PPP1R12A: variants seen among roughly 807,000 people sequenced by gnomAD.
The protein encoded by PPP1R12A is protein phosphatase 1 regulatory subunit 12A.
Under a neutral mutation model 139.6 loss-of-function variants are expected in PPP1R12A, and 19 were observed. The observed-to-expected ratio is 0.14, with a 90% CI of 0.09 to 0.20. The LOEUF is 0.20. Ranked by LOEUF, PPP1R12A falls within the 10% of genes least tolerant of loss-of-function variation. The pLI is 1.00. For synonymous variants in PPP1R12A, 427 were observed against 420.6 expected (o/e 1.02, Z -0.19); for missense variants, 925 against 1,211.5 (o/e 0.76, Z 3.51).
At chr12:79,924,677 C>A (rs1348315798) in intron 1 of PPP1R12A, among the ~76,000 whole-genome samples, 1 of 152,220 alleles carries the variant, frequency 6.6e-6, no homozygotes, top group Non-Finnish European at 1.5e-5. Flanking sequence ...AATCCTCCCA[C>A]CTCGGCCTCC....
At position 79,774,115 on chromosome 12, in the gene PPP1R12A, C is replaced by G. The variant is rs1047194169; in HGVS notation, c.*1814G>C. ...CCAGAACATGTTGCAGTCACTCAAA[C>G]TGATCAGTTATCTGTATATTTTACC... On this transcript the variant is annotated 3_prime_UTR_variant, in exon 25 of 25. Transcript: ENST00000450142. 2.6e-5 allele frequency: 4 copies of G among 152,146 alleles called. No homozygotes were observed. Among genetic ancestry groups the G allele is most frequent in the African/African-American group, 9.7e-5 (4 of 41,440 alleles). The allele number at this position is 152,146 out of a possible 1,614,324, so 9.4% of individuals were successfully genotyped here. A position where few individuals can be genotyped will look rare whatever the true frequency, so the allele number is the denominator to read the frequency against.
intron 3 of PPP1R12A, among the ~76,000 whole-genome samples, chr12:79,839,524 C>A (rs1172692963): frequency 6.6e-6 from 1 of 152,138 alleles, no homozygotes; most frequent in Non-Finnish European, 1.5e-5. Context: ...GTAGTTCCCA[C>A]AATCCCCACA....
intron 22 of PPP1R12A, among the ~76,000 whole-genome samples, chr12:79,785,795 T>C (rs573346970): frequency 1.4e-4 from 22 of 152,176 alleles, no homozygotes; most frequent in Non-Finnish European, 2.4e-4. Context: ...TACCTATTCC[T>C]GTCTCCCAGA....
chr12:79,891,607 A>G (rs1884648258), intron 1 of PPP1R12A, among the ~76,000 whole-genome samples: 1 of 152,220 alleles, frequency 6.6e-6, no homozygotes, highest in South Asian at 2.1e-4. Context: ...ACCTCATGGT[A>G]GTCACACACT....
intron 1 of PPP1R12A, among the ~76,000 whole-genome samples, chr12:79,873,945 T>C (rs1332233463): frequency 1.3e-5 from 2 of 152,216 alleles, no homozygotes; most frequent in Non-Finnish European, 2.9e-5. Flanking sequence ...GGGAGATCTT[T>C]TCTTGCAAAT....
At chr12:79,927,048 C>G (rs762981599) in intron 1 of PPP1R12A, among the ~76,000 whole-genome samples, 19 of 151,048 alleles carry the variant, frequency 1.3e-4, no homozygotes, top group Non-Finnish European at 2.5e-4. Context: ...AAAAAATTAG[C>G]TGGAAGTGGT....
intron 1 of PPP1R12A, among the ~76,000 whole-genome samples, chr12:79,896,397 G>A (rs891690405): frequency 9.2e-5 from 14 of 152,088 alleles, no homozygotes; most frequent in Middle Eastern, 3.4e-3. Context: ...GCAGTGGCTC[G>A]AACATAGCTC....
chr12:79,856,739 T>C (rs369679970), intron 2 of PPP1R12A, among the ~76,000 whole-genome samples: 12 of 152,230 alleles, frequency 7.9e-5, no homozygotes, highest in African/African-American at 2.7e-4. Context: ...TTCCAAAGTA[T>C]TCAACTTTGT....
chr12:79,830,973 C>A (rs2137149731), intron 4 of PPP1R12A, among the ~76,000 whole-genome samples: 1 of 152,166 alleles, frequency 6.6e-6, no homozygotes, highest in Admixed American at 6.5e-5. Context: ...TCCTGATCCC[C>A]CCTAAGAACT....
At chr12:79,812,784 C>T (rs963337976) in intron 9 of PPP1R12A, among the ~76,000 whole-genome samples, 1 of 152,106 alleles carries the variant, frequency 6.6e-6, no homozygotes, top group Admixed American at 6.6e-5. Context: ...TTCTTCAGTT[C>T]CCTAATTCTG....
At chr12:79,778,042 T>C (rs1300022780) in intron 24 of PPP1R12A, among the ~76,000 whole-genome samples, 1 of 152,140 alleles carries the variant, frequency 6.6e-6, no homozygotes, top group Non-Finnish European at 1.5e-5. Context: ...ACTATGCTAC[T>C]TGTGAAGACA....
chr12:79,788,724 C>A lies in PPP1R12A; in HGVS notation c.2726G>T (p.Gly909Val), dbSNP rs907708209. Residue 909 changes from glycine (G) to valine (V), a missense_variant, in exon 21 of 25, where the codon GGA (glycine) becomes GTA (valine). Transcript: ENST00000450142. The stretch of plus-strand genomic sequence containing the variant: ...TCTTTCTTCTAAGTAACTGTATGAT[C>A]CAGAGCGACCCAGCAAGGAATCATA... ...DRYDSLLGRS[G>V]SYSYLEERKP... The A allele has an allele frequency of 9.3e-6, 15 of 1,612,980 alleles. No homozygotes were observed. The highest frequency in any genetic ancestry group is 1.3e-5 in the Non-Finnish European group (15 of 1,179,390).
At chr12:79,929,335 AC>A (rs1371251144) in intron 1 of PPP1R12A, among the ~76,000 whole-genome samples, 1 of 152,132 alleles carries the variant, frequency 6.6e-6, no homozygotes, top group Non-Finnish European at 1.5e-5. Flanking sequence ...GCGTTTGTGA[AC>A]CCCCGCTCTA....
chr12:79,857,892 G>A (rs1326607495), intron 2 of PPP1R12A, among the ~76,000 whole-genome samples: 2 of 152,044 alleles, frequency 1.3e-5, no homozygotes, highest in Non-Finnish European at 2.9e-5. Flanking sequence ...TGTGAAATAG[G>A]AATAACAGTG....
chr12:79,788,764 A>G lies in PPP1R12A; in HGVS notation c.2686T>C (p.Ser896Pro), dbSNP rs1474975216. The G allele has an allele frequency of 6.2e-7, 1 of 1,609,066 alleles. No individual in the cohort carries two copies. Among genetic ancestry groups the G allele is most frequent in the Non-Finnish European group, 8.5e-7 (1 of 1,177,472 alleles). The change falls in exon 21 of 25, where the codon TCA becomes CCA. Residue 896 changes from serine (S) to proline (P), a missense_variant. Ser to Pro is a moderately conservative substitution (Grantham distance 74). Transcript: ENST00000450142. The part of the protein sequence containing the change: ...SISRYETSST[S>P]AGDRYDSLLG... ...AAGGAATCATATCGATCACCAGCTGATGTAGAACTGGTTTCATATCTTCAA... is the reference window on the plus strand; with the variant it reads ...AAGGAATCATATCGATCACCAGCTGGTGTAGAACTGGTTTCATATCTTCAA...
At chr12:79,899,233 A>ATAT (rs1885406375) in intron 1 of PPP1R12A, among the ~76,000 whole-genome samples, 3 of 141,932 alleles carry the variant, frequency 2.1e-5, no homozygotes, top group African/African-American at 7.7e-5. Context: ...AGATCTTAAA[A>ATAT]ATATATATAT....
intron 14 of PPP1R12A, 125 bp downstream of exon 14, chr12:79,805,467 G>C (rs1293526220): frequency 1.3e-6 from 1 of 793,864 alleles, no homozygotes; most frequent in Non-Finnish European, 1.9e-6. Context: ...TGAGCTGACA[G>C]GGTATTTCAT....
At chr12:79,830,551 T>G (rs917943160) in intron 4 of PPP1R12A, among the ~76,000 whole-genome samples, 1 of 152,224 alleles carries the variant, frequency 6.6e-6, no homozygotes, top group South Asian at 2.1e-4. Flanking sequence ...TTACTTTGAT[T>G]GAATTTGCTC....
chr12:79,890,905 CCACACACACACA>C (rs1303227049), intron 1 of PPP1R12A, among the ~76,000 whole-genome samples: 27 of 115,718 alleles, frequency 2.3e-4, no homozygotes, highest in Middle Eastern at 4.3e-3. Flanking sequence ...CCACACCCAC[CCACACACACACA>C]CACACACACA....
Sources: allele counts gnomAD v4.1 joint callset (sites outside exome capture counted in the v4.1 genomes callset), GRCh38; gene constraint gnomAD v4.1.1; transcripts MANE v1.5; gene names NCBI Gene and HGNC (gene_info 2026-07-23, HGNC 2026-07-21).